TRIM71: variants seen among roughly 807,000 people sequenced by gnomAD.
TRIM71 encodes E3 ubiquitin-protein ligase TRIM71.
Under a neutral mutation model 61.2 loss-of-function variants are expected in TRIM71, and 9 were observed. The observed-to-expected ratio is 0.15, with a 90% CI of 0.09 to 0.26. The LOEUF is 0.26. Ranked by LOEUF, TRIM71 falls within the 10% of genes least tolerant of loss-of-function variation. The pLI is 1.00. For missense variants in TRIM71, 998 were observed against 1,238.7 expected, an observed-to-expected ratio of 0.81 and a Z score of 2.92; for synonymous variants, 645 against 553.2, an observed-to-expected ratio of 1.17 and a Z score of -2.33.
chr3:32,878,281 T>G (rs1426345483), intron 2 of TRIM71, among the ~76,000 whole-genome samples: 5 of 152,228 alleles, frequency 3.3e-5, no homozygotes. Context: ...GAATCTTTTT[T>G]TCTGAGCGGT....
intron 1 of TRIM71, among the ~76,000 whole-genome samples, chr3:32,844,442 G>A (rs1696447684): frequency 6.6e-6 from 1 of 152,060 alleles, no homozygotes; most frequent in Non-Finnish European, 1.5e-5. Context: ...TGTCACTCAG[G>A]CTAGAGTGCA....
At chr3:32,880,009 G>A (rs1380557866) in intron 2 of TRIM71, among the ~76,000 whole-genome samples, 1 of 151,882 alleles carries the variant, frequency 6.6e-6, no homozygotes, top group African/African-American at 2.4e-5. Flanking sequence ...TATCTATGAA[G>A]TGCAATAAAA....
chr3:32,820,872 A>T (rs946862133), intron 1 of TRIM71, among the ~76,000 whole-genome samples: 2 of 152,220 alleles, frequency 1.3e-5, no homozygotes, highest in African/African-American at 4.8e-5. Flanking sequence ...AGTAACTAAT[A>T]ATCCTTAACA....
intron 1 of TRIM71, among the ~76,000 whole-genome samples, chr3:32,871,023 C>G (rs1696789976): frequency 6.7e-6 from 1 of 149,514 alleles, no homozygotes; most frequent in South Asian, 2.1e-4. Flanking sequence ...GCCTCAGCTT[C>G]TCAAGGAGCT....
rs886969239 is a variant in TRIM71, at chr3:32,818,022, T to TCTCCTC, written c.-46_-41dup. On this transcript the variant is annotated 5_prime_UTR_variant, in exon 1 of 4. Coordinates refer to ENST00000383763, the MANE Select transcript of TRIM71 (RefSeq NM_001039111.3). ...ACTCCCCCACCCACCTCGTCCGCTC[T>TCTCCTC]CTCCTCCTCCTCCTCCTCTTCCTCT... 5 of 1,532,664 alleles carry TCTCCTC rather than the reference T, an allele frequency of 3.3e-6. No homozygotes were observed. Among genetic ancestry groups the TCTCCTC allele is most frequent in the African/African-American group, 1.4e-5 (1 of 72,102 alleles). The allele number at this position is 1,532,664 out of a possible 1,614,324, so 94.9% of individuals were successfully genotyped here.
Position 32,890,520 on chromosome 3 carries a change from C to G in TRIM71, c.1316C>G (p.Ala439Gly). ...DILLARDRMLAQVQELKTVRS... is the reference protein window; with the variant it reads ...DILLARDRMLGQVQELKTVRS... Reference sequence around the variant, plus strand: ...CTACTGGCCCGAGACCGGATGCTGGCCCAGGTGCAGGAGCTGAAGACCGTG... The same window carrying G: ...CTACTGGCCCGAGACCGGATGCTGGGCCAGGTGCAGGAGCTGAAGACCGTG... The change falls in exon 4 of 4, where the codon GCC becomes GGC. Residue 439 changes from alanine (A) to glycine (G), a missense_variant. Ala to Gly is a moderately conservative substitution (Grantham distance 60). Around this residue, in one of 5 missense-constraint regions of TRIM71, gnomAD observed 291 missense variants for 431.2 expected, o/e 0.67. Transcript: ENST00000383763. The surrounding 1 kb of genome is among the most constrained non-coding windows in gnomAD (Gnocchi z 6.2). 1 of 1,614,094 alleles carries G rather than the reference C, an allele frequency of 6.2e-7. No homozygotes were observed.
intron 1 of TRIM71, among the ~76,000 whole-genome samples, chr3:32,819,159 G>T (rs535677310): frequency 1.3e-5 from 2 of 152,314 alleles, no homozygotes; most frequent in East Asian, 3.9e-4. Flanking sequence ...ATCCCATAGC[G>T]TGGGGTCCTC....
chr3:32,865,054 G>A (rs1308101408), intron 1 of TRIM71, among the ~76,000 whole-genome samples: 1 of 152,138 alleles, frequency 6.6e-6, no homozygotes, highest in African/African-American at 2.4e-5. Context: ...GCAGGGCCAG[G>A]CGCAGTGGCT....
intron 1 of TRIM71, among the ~76,000 whole-genome samples, chr3:32,822,080 A>T: frequency 6.6e-6 from 1 of 152,114 alleles, no homozygotes; most frequent in South Asian, 2.1e-4. Context: ...TGGAGGCGAC[A>T]CCGGCAGCAG....
At chr3:32,880,767 C>CATGT (rs2125690792) in intron 2 of TRIM71, among the ~76,000 whole-genome samples, 1 of 152,150 alleles carries the variant, frequency 6.6e-6, no homozygotes, top group South Asian at 2.1e-4. Flanking sequence ...ACATTTTGGT[C>CATGT]ATGTATGTTA....
At chr3:32,857,990 A>C (rs1696624137) in intron 1 of TRIM71, among the ~76,000 whole-genome samples, 1 of 152,186 alleles carries the variant, frequency 6.6e-6, no homozygotes, top group African/African-American at 2.4e-5. Context: ...GGCGGGACAC[A>C]AAAAGAAGAA....
chr3:32,819,308 C>T (rs1027009478), intron 1 of TRIM71, among the ~76,000 whole-genome samples: 19 of 152,130 alleles, frequency 1.2e-4, no homozygotes, highest in African/African-American at 3.1e-4. Flanking sequence ...GGCCTCCCAA[C>T]GTGCTGAGAA....
intron 1 of TRIM71, among the ~76,000 whole-genome samples, chr3:32,857,383 C>G (rs34052635): frequency 0.33 from 50,605 of 152,080 alleles, 10,328 homozygotes; most frequent in Middle Eastern, 0.5. Flanking sequence ...TGAAGTTCTT[C>G]TTGGAGTCAT....
chr3:32,871,271 T>TGA (rs1033628127), intron 1 of TRIM71, among the ~76,000 whole-genome samples: 23 of 152,056 alleles, frequency 1.5e-4, no homozygotes, highest in African/African-American at 5.3e-4. Flanking sequence ...GCCATGGAGA[T>TGA]GAGAGCAATC....
chr3:32,845,487 C>T (rs531519316), intron 1 of TRIM71, among the ~76,000 whole-genome samples: 2 of 152,210 alleles, frequency 1.3e-5, no homozygotes, highest in Non-Finnish European at 2.9e-5. Context: ...CCCTCCTTCC[C>T]TCTAGCGGGT....
chr3:32,838,445 A>G (rs1696359190), intron 1 of TRIM71, among the ~76,000 whole-genome samples: 1 of 151,360 alleles, frequency 6.6e-6, no homozygotes, highest in Non-Finnish European at 1.5e-5. Context: ...GCTGGTCTCG[A>G]ACTCCTGACT....
chr3:32,843,155 TTTG>T (rs1365879757), intron 1 of TRIM71, among the ~76,000 whole-genome samples: 1 of 152,156 alleles, frequency 6.6e-6, no homozygotes, highest in Non-Finnish European at 1.5e-5. Context: ...AAGTCATGCC[TTTG>T]TTGAGAAATA....
chr3:32,818,562 C>G lies in TRIM71; in HGVS notation c.482C>G (p.Ser161Cys). 7.9e-7 allele frequency: 1 copy of G among 1,262,494 alleles called. No individual in the cohort carries two copies. Among genetic ancestry groups the G allele is most frequent in the Non-Finnish European group, 9.9e-7 (1 of 1,011,572 alleles). The allele number at this position is 1,262,494 out of a possible 1,614,324, so 78.2% of individuals were successfully genotyped here. The part of the protein sequence containing the change: ...HHAHHAHPRA[S>C]ASAPPLPQAP... ...GCTCACCACGCGCACCCGCGCGCGT[C>G]CGCCTCCGCGCCGCCACTCCCGCAG... The change falls in exon 1 of 4, where the codon TCC becomes TGC. Residue 161 changes from serine to cysteine, a missense_variant. Ser to Cys is a moderately radical substitution (Grantham distance 112). Coordinates refer to ENST00000383763, the MANE Select transcript of TRIM71 (RefSeq NM_001039111.3).
At chr3:32,819,002 C>A (rs995851390) in intron 1 of TRIM71, 70 bp downstream of exon 1, 23 of 1,552,074 alleles carry the variant, frequency 1.5e-5, no homozygotes, top group Non-Finnish European at 2.0e-5. Flanking sequence ...GTTTCCCGGC[C>A]GGTCCCACAG....
Sources: gnomAD v4.1 joint callset for allele counts (sites outside exome capture counted in the v4.1 genomes callset) on GRCh38, gnomAD v4.1.1 for gene constraint, gnomAD v4.1.1 regional missense constraint, Gnocchi (gnomAD v3.1) non-coding constraint, MANE v1.5 for transcripts, NCBI Gene and HGNC (gene_info 2026-07-23, HGNC 2026-07-21) for gene names.